Variants in DBR1 observed in about 807,000 individuals in gnomAD.
DBR1 encodes the protein debranching RNA lariats 1.
Under a neutral mutation model 45.9 loss-of-function variants are expected in DBR1, and 33 were observed. The observed-to-expected ratio is 0.72, with a 90% CI of 0.55 to 0.96. DBR1 has a LOEUF of 0.96. DBR1 is among the 40% of genes least tolerant of loss of function. The probability of loss-of-function intolerance (pLI) is 0.00; values close to 1 mark genes in which losing one functional copy is unlikely to be tolerated. For missense variants in DBR1, 619 were observed against 667.4 expected (o/e 0.93, Z 0.80); for synonymous variants, 235 against 235.9 (o/e 1.00, Z 0.04).
At chr3:138,170,001 A>G (rs2042947284) in intron 4 of DBR1, 106 bp downstream of exon 4, 1 of 719,352 alleles carries the variant, frequency 1.4e-6, no homozygotes, top group South Asian at 1.7e-5. Flanking sequence ...TTAAAAATAC[A>G]GAATTGCTCT....
At chr3:138,173,767 T>A (rs1194504406) in intron 1 of DBR1, 141 bp from the exon 2 acceptor site, 4 of 889,612 alleles carry the variant, frequency 4.5e-6, no homozygotes, top group African/African-American at 1.7e-5. Context: ...CTGGGCGCGG[T>A]GGCTCCCTCC....
At position 138,167,323 on chromosome 3, in the gene DBR1, G is replaced by C; in HGVS notation, c.490-18C>G. 1 of 1,546,730 alleles carries C rather than the reference G, an allele frequency of 6.5e-7. No individual in the cohort carries two copies. Among genetic ancestry groups the C allele is most frequent in the East Asian group, 2.2e-5 (1 of 44,560 alleles). Reference sequence around the variant, plus strand: ...TGCTTCAGCTTTCAAAAGAGAAAAAGAGAAAGAAAGAAAACTCTTAAAACA... The same window carrying C: ...TGCTTCAGCTTTCAAAAGAGAAAAACAGAAAGAAAGAAAACTCTTAAAACA... On this transcript the variant is annotated intron_variant, in intron 4 of 7. Coordinates refer to ENST00000260803, the MANE Select transcript of DBR1 (RefSeq NM_016216.4).
intron 6 of DBR1, 56 bp downstream of exon 6, chr3:138,163,722 T>C: frequency 7.9e-7 from 1 of 1,270,976 alleles, no homozygotes; most frequent in Non-Finnish European, 1.1e-6. Flanking sequence ...AAATTATATT[T>C]TTTTAAGTCT....
rs977230750 is a variant in DBR1, at chr3:138,161,625, C to A, written c.*264G>T. 5.5e-6 allele frequency: 2 copies of A among 363,554 alleles called. No homozygotes were observed. The highest frequency in any genetic ancestry group is 1.0e-5 in the Non-Finnish European group (2 of 193,936). 22.5% of individuals were successfully genotyped at this position (363,554 alleles called of 1,614,324 possible). On this transcript the variant is annotated 3_prime_UTR_variant, in exon 8 of 8. Transcript: ENST00000260803. ...CTTTAGAAGGCCAAGACAGGTGGAT[C>A]GCCTGAGGTCAGGAGTTGGAGACCA...
rs1014647021 is a variant in DBR1, at chr3:138,174,834, C to T, written c.-39G>A. The T allele has an allele frequency of 5.7e-6, 9 of 1,588,654 alleles. No individual in the cohort carries two copies. The highest frequency in any genetic ancestry group is 6.9e-6 in the Non-Finnish European group (8 of 1,167,626). ...GGAGGTGAGCGCTGCCTGCAACGCCCTACACCACAGCCAGCCCAGGACCGA... is the reference window on the plus strand; with the variant it reads ...GGAGGTGAGCGCTGCCTGCAACGCCTTACACCACAGCCAGCCCAGGACCGA... On this transcript the variant is annotated 5_prime_UTR_variant, in exon 1 of 8. Coordinates refer to ENST00000260803, the MANE Select transcript of DBR1 (RefSeq NM_016216.4).
rs756927946 is a variant in DBR1 at position 138,163,384 on chromosome 3, C to A, written c.906G>T (p.Leu302=). The part of the protein sequence containing the change: ...TDDLINVTGR[L]WNMPENNGLH... ...GGCCATTATTTTCTGGCATATTCCA[C>A]AGGCGCCCAGTCACATTAATAAGAT... Residue 302 remains leucine (L), a synonymous_variant, in exon 7 of 8, where the codon CTG becomes CTT. Transcript: ENST00000260803. 2 of 1,613,826 alleles carry A rather than the reference C, an allele frequency of 1.2e-6. No individual in the cohort carries two copies. Among genetic ancestry groups the A allele is most frequent in the Non-Finnish European group, 1.7e-6 (2 of 1,179,822 alleles).
At chr3:138,174,008 G>C (rs545163076) in intron 1 of DBR1, among the ~76,000 whole-genome samples, 5 of 126,054 alleles carry the variant, frequency 4.0e-5, no homozygotes, top group African/African-American at 1.5e-4. Flanking sequence ...GCAACAAAGC[G>C]AAACTCTGTC....
chr3:138,170,120 T>G lies in DBR1; in HGVS notation c.476A>C (p.Tyr159Ser). The G allele has an allele frequency of 6.3e-7, 1 of 1,581,886 alleles. No individual in the cohort carries two copies. The highest frequency in any genetic ancestry group is 1.1e-5 in the South Asian group (1 of 88,620). The part of the protein sequence containing the change: ...SIYHVRNIEV[Y>S]KLKQLKQPID... ...CTTTTTACGTACCTGTTTTAATTTA[T>G]AGACTTCAATATTTCTCACATGATA... The change falls in exon 4 of 8, where the codon TAT becomes TCT. Residue 159 changes from tyrosine to serine, a missense_variant. Physicochemically the swap from Tyr to Ser is moderately radical, Grantham distance 144 (BLOSUM62 -2). Transcript: ENST00000260803.
At chr3:138,171,868 C>T (rs1459409113) in intron 2 of DBR1, among the ~76,000 whole-genome samples, 155 bp from the exon 3 acceptor site, 1 of 152,020 alleles carries the variant, frequency 6.6e-6, no homozygotes, top group Non-Finnish European at 1.5e-5. Context: ...AATAATATGC[C>T]AACAGTGTAT....
intron 7 of DBR1, 62 bp downstream of exon 7, chr3:138,163,287 T>G: frequency 4.5e-6 from 7 of 1,545,110 alleles, no homozygotes; most frequent in Non-Finnish European, 5.3e-6. Flanking sequence ...AAAACAAAGG[T>G]GGGAGATATA....
rs555302397 is a variant in DBR1 at position 138,161,000 on chromosome 3, C to T, written c.*889G>A. 13 of 151,632 alleles carry T rather than the reference C, an allele frequency of 8.6e-5. No individual in the cohort carries two copies. Among genetic ancestry groups the T allele is most frequent in the African/African-American group, 1.7e-4 (7 of 41,366 alleles). The allele number at this position is 151,632 out of a possible 1,614,324, so 9.4% of individuals were successfully genotyped here. On this transcript the variant is annotated 3_prime_UTR_variant, in exon 8 of 8. Transcript: ENST00000260803. ...CTAATCTCAGCAAATTAAGATTGTA[C>T]GTTTACCAATGTTTAGTATTCAGAG...
chr3:138,167,718 G>C (rs1030287393), intron 4 of DBR1, among the ~76,000 whole-genome samples: 1 of 152,204 alleles, frequency 6.6e-6, no homozygotes, highest in East Asian at 1.9e-4. Flanking sequence ...GGCTGAGGCA[G>C]GTGGATCACC....
chr3:138,172,502 G>A (rs1279042522), intron 2 of DBR1, among the ~76,000 whole-genome samples: 3 of 152,212 alleles, frequency 2.0e-5, no homozygotes, highest in African/African-American at 7.2e-5. Flanking sequence ...GGCTGTGGTG[G>A]GAGGATGGCT....
chr3:138,174,523 G>A (rs1576535936), intron 1 of DBR1, 76 bp downstream of exon 1: 1 of 1,431,168 alleles, frequency 7.0e-7, no homozygotes, highest in Non-Finnish European at 9.5e-7. Context: ...GGATCTAAGG[G>A]AAACAGGCAG....
In DBR1 at chr3:138,173,507, TAATA is replaced by T; in HGVS notation, c.313_316del (p.Tyr105IlefsTer2). 1 of 1,613,600 alleles carries T rather than the reference TAATA, an allele frequency of 6.2e-7. No homozygotes were observed. The highest frequency in any genetic ancestry group is 8.5e-7 in the Non-Finnish European group (1 of 1,179,736). ...CCACAAACACAATCACATACCTAAA[TAATA>T]AATGTTTGGTGCCACCCAGCCACCA... On this transcript the variant is annotated frameshift_variant, in exon 2 of 8. Coordinates refer to ENST00000260803, the MANE Select transcript of DBR1 (RefSeq NM_016216.4). LOFTEE classifies it high-confidence loss of function.
rs367981627 is a variant in DBR1, at chr3:138,173,545, C to T, written c.279G>A (p.Glu93=). The change falls in exon 2 of 8, where the codon GAG becomes GAA. Residue 93 remains glutamate, a synonymous_variant. Coordinates refer to ENST00000260803, the MANE Select transcript of DBR1 (RefSeq NM_016216.4). The stretch of plus-strand genomic sequence containing the variant: ...GTGCCACCCAGCCACCATAGGGTAA[C>T]TCTTGCAAATGATTTGAGGCTTCAT... ...GNHEASNHLQ[E]LPYGGWVAPN... 4 of 1,613,912 alleles carry T rather than the reference C, an allele frequency of 2.5e-6. No individual in the cohort carries two copies. Among genetic ancestry groups the T allele is most frequent in the Non-Finnish European group, 3.4e-6 (4 of 1,179,952 alleles).
intron 6 of DBR1, 33 bp from the exon 7 acceptor site, chr3:138,163,527 A>G: frequency 2.2e-6 from 3 of 1,366,072 alleles, no homozygotes; most frequent in South Asian, 3.0e-5. Context: ...AGAAATACAT[A>G]TATATTTGTA....
rs1309603247 is a variant in DBR1, at chr3:138,174,608, G to A, written c.188C>T (p.Thr63Ile). The change falls in exon 1 of 8, where the codon ACC becomes ATC. Residue 63 changes from threonine (T) to isoleucine (I), a missense_variant. Physicochemically the swap from Thr to Ile is moderately conservative, Grantham distance 89. Transcript: ENST00000260803. ...AVPPKYRHMQ[T>I]FYRYYSGEKK... ...CCGGCCGCGTCCTCACCTGTAGAAGGTTTGCATGTGACGATACTTGGGCGG... is the reference window on the plus strand; with the variant it reads ...CCGGCCGCGTCCTCACCTGTAGAAGATTTGCATGTGACGATACTTGGGCGG... 2 of 1,609,466 alleles carry A rather than the reference G, an allele frequency of 1.2e-6. No homozygotes were observed. Among genetic ancestry groups the A allele is most frequent in the Non-Finnish European group, 1.7e-6 (2 of 1,178,016 alleles).
intron 2 of DBR1, 39 bp from the exon 3 acceptor site, chr3:138,171,752 G>T: frequency 7.0e-7 from 1 of 1,430,864 alleles, no homozygotes; most frequent in African/African-American, 1.4e-5. Context: ...GTAGGCAAAA[G>T]GAATCTCTAC....
Sources: allele counts gnomAD v4.1 joint callset (sites outside exome capture counted in the v4.1 genomes callset), GRCh38; gene constraint gnomAD v4.1.1; transcripts MANE v1.5; gene names NCBI Gene and HGNC (gene_info 2026-07-23, HGNC 2026-07-21).